NDUFS4: variants seen among roughly 807,000 people sequenced by gnomAD.
NDUFS4 encodes the protein NADH dehydrogenase [ubiquinone] iron-sulfur protein 4, mitochondrial.
In NDUFS4, 28 loss-of-function variants were observed where a neutral mutation model predicts 24.3. That is an observed-to-expected ratio of 1.15 (90% CI 0.85 to 1.58). The LOEUF (loss-of-function observed/expected upper bound fraction) is 1.58, where lower values mean the gene tolerates loss of function less well. Ranked by LOEUF, NDUFS4 falls within the 40% of genes most tolerant of loss-of-function variation. The pLI is 0.00. For missense variants in NDUFS4, 223 were observed against 207.9 expected, an observed-to-expected ratio of 1.07 and a Z score of -0.45; for synonymous variants, 93 against 69.7, an observed-to-expected ratio of 1.34 and a Z score of -1.67.
chr5:53,591,756 T>G (rs989431283), intron 1 of NDUFS4, among the ~76,000 whole-genome samples: 10 of 152,230 alleles, frequency 6.6e-5, no homozygotes, highest in African/African-American at 2.2e-4. Context: ...TATTTTGGAT[T>G]TTAGCCATTC....
At chr5:53,564,325 G>C (rs1022419675) in intron 1 of NDUFS4, among the ~76,000 whole-genome samples, 4 of 152,124 alleles carry the variant, frequency 2.6e-5, no homozygotes, top group Non-Finnish European at 5.9e-5. Flanking sequence ...AAGACCAATA[G>C]GTTCACTTCT....
chr5:53,597,523 G>C (rs1454657184), intron 1 of NDUFS4, among the ~76,000 whole-genome samples: 1 of 152,194 alleles, frequency 6.6e-6, no homozygotes, highest in Non-Finnish European at 1.5e-5. Context: ...CATAGTATTA[G>C]TACGTTGGGT....
intron 2 of NDUFS4, among the ~76,000 whole-genome samples, chr5:53,639,395 AAAG>A (rs1249775060): frequency 1.3e-5 from 2 of 151,898 alleles, no homozygotes; most frequent in African/African-American, 4.8e-5. Flanking sequence ...CAATATTCCA[AAAG>A]TATATAAATT....
At chr5:53,642,592 C>T (rs1751735513) in intron 2 of NDUFS4, among the ~76,000 whole-genome samples, 1 of 151,920 alleles carries the variant, frequency 6.6e-6, no homozygotes, top group Non-Finnish European at 1.5e-5. Flanking sequence ...TTGCTTGTTC[C>T]CTGCTTCCTT....
chr5:53,587,863 C>T (rs1231515727), intron 1 of NDUFS4, among the ~76,000 whole-genome samples: 1 of 152,144 alleles, frequency 6.6e-6, no homozygotes, highest in African/African-American at 2.4e-5. Flanking sequence ...ACAGGTGTGA[C>T]ACCATGCCTG....
At chr5:53,627,836 A>G (rs1338707661) in intron 2 of NDUFS4, among the ~76,000 whole-genome samples, 1 of 152,176 alleles carries the variant, frequency 6.6e-6, no homozygotes, top group Non-Finnish European at 1.5e-5. Context: ...AGCAGAGACA[A>G]TTTGACTTCC....
intron 3 of NDUFS4, among the ~76,000 whole-genome samples, chr5:53,652,473 G>A: frequency 6.6e-6 from 1 of 152,114 alleles, no homozygotes; most frequent in East Asian, 1.9e-4. Flanking sequence ...TGGGGATTGA[G>A]GGGAAGGATC....
In NDUFS4 at chr5:53,594,941, A is replaced by G. The variant is rs553703588; in HGVS notation, c.99-8511A>G. Among the ~76,000 whole-genome samples the G allele has an allele frequency of 4.6e-5, 7 of 151,904 alleles. No individual in the cohort carries two copies. In the South Asian group the frequency reaches 1.5e-3, roughly 31 times the overall value. On this transcript the variant is annotated intron_variant, in intron 1 of 4. Transcript: ENST00000296684. ...AAATCCATCTGGAATTCTTTGGTAC[A>G]TGATGTAATTCTTTTAGAAAGGGAT...
At chr5:53,591,320 A>T (rs1233576505) in intron 1 of NDUFS4, among the ~76,000 whole-genome samples, 1 of 152,066 alleles carries the variant, frequency 6.6e-6, no homozygotes. Context: ...ATTATATGGT[A>T]ATTTTATTTT....
At chr5:53,581,298 C>G (rs1290219865) in intron 1 of NDUFS4, among the ~76,000 whole-genome samples, 1 of 152,176 alleles carries the variant, frequency 6.6e-6, no homozygotes, top group Non-Finnish European at 1.5e-5. Context: ...ATCTTTGCTA[C>G]AGCTATTGCT....
intron 2 of NDUFS4, among the ~76,000 whole-genome samples, chr5:53,627,995 T>C (rs1751283051): frequency 6.6e-6 from 1 of 152,212 alleles, no homozygotes; most frequent in Non-Finnish European, 1.5e-5. Context: ...TTTTGCCCAT[T>C]CAGTATGATA....
At chr5:53,659,791 A>G (rs1159930600) in intron 4 of NDUFS4, among the ~76,000 whole-genome samples, 1 of 152,120 alleles carries the variant, frequency 6.6e-6, no homozygotes, top group Non-Finnish European at 1.5e-5. Flanking sequence ...TTTTTCACCT[A>G]GTATTGTATA....
chr5:53,663,500 A>C (rs1239393403), intron 4 of NDUFS4, among the ~76,000 whole-genome samples: 1 of 152,110 alleles, frequency 6.6e-6, no homozygotes, highest in Non-Finnish European at 1.5e-5. Flanking sequence ...GACTTGCTTT[A>C]TGAATCTGGG....
chr5:53,591,855 G>C (rs927678995), intron 1 of NDUFS4, among the ~76,000 whole-genome samples: 1 of 152,082 alleles, frequency 6.6e-6, no homozygotes, highest in Non-Finnish European at 1.5e-5. Context: ...TTTATCATCT[G>C]TATATCTTCT....
At chr5:53,680,098 G>A (rs1033610606) in intron 4 of NDUFS4, among the ~76,000 whole-genome samples, 13 of 152,068 alleles carry the variant, frequency 8.5e-5, no homozygotes, top group Admixed American at 4.6e-4. Flanking sequence ...AGGTGTTAAC[G>A]TCCATCTTGG....
At chr5:53,561,013 G>C (rs1748823372) in intron 1 of NDUFS4, among the ~76,000 whole-genome samples, 1 of 152,176 alleles carries the variant, frequency 6.6e-6, no homozygotes, top group African/African-American at 2.4e-5. Context: ...GTCGCTGAGG[G>C]AGAGGGTCCG....
chr5:53,671,539 A>G (rs928314712), intron 4 of NDUFS4, among the ~76,000 whole-genome samples: 2 of 152,186 alleles, frequency 1.3e-5, no homozygotes, highest in Non-Finnish European at 2.9e-5. Flanking sequence ...GAACTCTTTA[A>G]TGATAACGTT....
In NDUFS4 at chr5:53,646,296, G is replaced by A. The variant is rs1475806921; in HGVS notation, c.241G>A (p.Val81Ile). ...HIKTRKVRIF[V>I]PARNNMQSGV... is the part of the protein sequence containing the mutation. Reference sequence around the variant, plus strand: ...AAAAACTAGAAAAGTCAGGATCTTTGTTCCTGCTCGCAATAACATGCAGTC... The same window carrying A: ...AAAAACTAGAAAAGTCAGGATCTTTATTCCTGCTCGCAATAACATGCAGTC... Residue 81 changes from valine (V) to isoleucine (I), a missense_variant, in exon 3 of 5, where the codon GTT becomes ATT. Val to Ile is a conservative substitution (Grantham distance 29). Coordinates refer to ENST00000296684, the MANE Select transcript of NDUFS4 (RefSeq NM_002495.4). The A allele has an allele frequency of 6.2e-7, 1 of 1,613,326 alleles. No individual in the cohort carries two copies. The highest frequency in any genetic ancestry group is 1.3e-5 in the African/African-American group (1 of 74,854).
chr5:53,663,427 G>T (rs1164557002), intron 4 of NDUFS4, among the ~76,000 whole-genome samples: 3 of 152,114 alleles, frequency 2.0e-5, no homozygotes, highest in African/African-American at 7.2e-5. Flanking sequence ...TGTTGACAGT[G>T]GGGTGTTAAA....
Sources: gnomAD v4.1 joint callset for allele counts (sites outside exome capture counted in the v4.1 genomes callset) on GRCh38, gnomAD v4.1.1 for gene constraint, MANE v1.5 for transcripts, NCBI Gene and HGNC (gene_info 2026-07-23, HGNC 2026-07-21) for gene names.